The following LRP2 variants were observed in gnomAD, a reference collection of about 807,000 sequenced individuals.
LRP2 encodes the protein LDL receptor related protein 2.
Under a neutral mutation model 531.0 loss-of-function variants are expected in LRP2, and 172 were observed. The ratio of observed to expected loss-of-function variants is 0.32; its 90% confidence interval spans 0.29 to 0.37. LRP2 has a LOEUF of 0.37. LRP2 is among the 10% of genes least tolerant of loss of function. The pLI is 1.00. For missense variants in LRP2, 5,167 were observed against 5,868.3 expected, an observed-to-expected ratio of 0.88 and a Z score of 3.90; for synonymous variants, 1,992 against 2,027.6, an observed-to-expected ratio of 0.98 and a Z score of 0.47.
intron 31 of LRP2, among the ~76,000 whole-genome samples, chr2:169,229,776 A>G (rs568679381): frequency 2.6e-5 from 4 of 152,194 alleles, no homozygotes; most frequent in South Asian, 4.1e-4. Context: ...ATGTTTTTAC[A>G]AGGCCAATAT....
At chr2:169,328,812 T>C (rs539692091) in intron 1 of LRP2, among the ~76,000 whole-genome samples, 37 of 152,328 alleles carry the variant, frequency 2.4e-4, no homozygotes, top group Non-Finnish European at 4.6e-4. Context: ...CCAGAGCCTG[T>C]ACTTATTTCA....
chr2:169,353,602 C>A (rs1685912108), intron 1 of LRP2, among the ~76,000 whole-genome samples: 1 of 152,140 alleles, frequency 6.6e-6, no homozygotes, highest in African/African-American at 2.4e-5. Flanking sequence ...CATGTATCAC[C>A]CCCCTTCTAG....
chr2:169,165,372 G>A (rs913505255), intron 62 of LRP2, among the ~76,000 whole-genome samples: 2 of 152,128 alleles, frequency 1.3e-5, no homozygotes, highest in Non-Finnish European at 2.9e-5. Flanking sequence ...TCAATGCCTC[G>A]ATTGTTAAAT....
chr2:169,315,196 T>C (rs980390895), intron 3 of LRP2, among the ~76,000 whole-genome samples: 28 of 152,234 alleles, frequency 1.8e-4, no homozygotes, highest in African/African-American at 6.8e-4. Context: ...TGAGGGCCTA[T>C]AATGTACCAC....
chr2:169,278,785 C>G (rs1683623093), intron 12 of LRP2, among the ~76,000 whole-genome samples: 1 of 152,152 alleles, frequency 6.6e-6, no homozygotes, highest in African/African-American at 2.4e-5. Flanking sequence ...AGCTAAGTCT[C>G]CTATAACACT....
chr2:169,203,022 T>C (rs1466765991), intron 42 of LRP2, 63 bp from the exon 43 acceptor site: 1 of 1,354,388 alleles, frequency 7.4e-7, no homozygotes, highest in Non-Finnish European at 1.1e-6. Context: ...CATTGACCCC[T>C]CCACAATAGC....
At chr2:169,277,193 C>CAAAAAAA (rs5836227) in intron 13 of LRP2, among the ~76,000 whole-genome samples, 2 of 88,156 alleles carry the variant, frequency 2.3e-5, no homozygotes, top group Non-Finnish European at 4.5e-5. Flanking sequence ...GACTCCATCT[C>CAAAAAAA]AAAAAAAAAA....
At chr2:169,317,542 A>T (rs1027695543) in intron 3 of LRP2, among the ~76,000 whole-genome samples, 1 of 152,200 alleles carries the variant, frequency 6.6e-6, no homozygotes, top group Non-Finnish European at 1.5e-5. Flanking sequence ...CTGGGAATTA[A>T]TCAACCCTGG....
Position 169,173,938 on chromosome 2 carries a change from A to T in LRP2, c.10995T>A (p.Asp3665Glu). The change falls in exon 56 of 79, where the codon GAT (aspartate) becomes GAA (glutamate). Residue 3665 changes from aspartate to glutamate, a missense_variant. Transcript: ENST00000649046. ...DVDNDCGDHS[D>E]EPIEECMSSA... Reference sequence around the variant, plus strand: ...ACTTACTGCATTCTTCAATGGGCTCATCCGAGTGGTCTCCACAATCATTAT... The same window carrying T: ...ACTTACTGCATTCTTCAATGGGCTCTTCCGAGTGGTCTCCACAATCATTAT... 6.2e-7 allele frequency: 1 copy of T among 1,614,180 alleles called. No homozygotes were observed.
intron 2 of LRP2, among the ~76,000 whole-genome samples, 164 bp from the exon 3 acceptor site, chr2:169,319,048 T>C (rs953074264): frequency 6.6e-6 from 1 of 152,088 alleles, no homozygotes; most frequent in Admixed American, 6.6e-5. Flanking sequence ...CCAGTCAGAG[T>C]TCACTGTCAA....
chr2:169,256,371 T>C (rs1690304330), intron 18 of LRP2, 135 bp from the exon 19 acceptor site: 4 of 571,818 alleles, frequency 7.0e-6, no homozygotes, highest in Non-Finnish European at 1.2e-5. Flanking sequence ...ATTATATTCA[T>C]TAAAAATTTA....
chr2:169,178,159 C>G (rs1358751595), intron 52 of LRP2, 133 bp from the exon 53 acceptor site: 5 of 709,602 alleles, frequency 7.0e-6, no homozygotes, highest in Non-Finnish European at 1.2e-5. Context: ...CCTCAAAACT[C>G]CTAGTCTTTA....
chr2:169,247,609 G>C lies in LRP2; in HGVS notation c.2771-94C>G, dbSNP rs956859784. On this transcript the variant is annotated intron_variant, in intron 19 of 78. Transcript: ENST00000649046. ...ATGCAATAGGCTTGAAATGCTTCTT[G>C]CAAGTACGATCATCTCCCCCATAAA... 4.4e-5 allele frequency: 58 copies of C among 1,331,934 alleles called. No individual in the cohort carries two copies. The Middle Eastern group carries it at 9.0e-4, about 21-fold the overall frequency. 82.5% of individuals were successfully genotyped at this position (1,331,934 alleles called of 1,614,324 possible).
At chr2:169,234,678 T>C (rs1689537431) in intron 29 of LRP2, among the ~76,000 whole-genome samples, 1 of 152,220 alleles carries the variant, frequency 6.6e-6, no homozygotes, top group Non-Finnish European at 1.5e-5. Context: ...TTTCTGGTTC[T>C]AGATCCCTGA....
rs558578212 is a variant in LRP2, at chr2:169,278,971, C to G, written c.1565+401G>C. Among the ~76,000 whole-genome samples, 5 of 152,298 alleles carry G rather than the reference C, an allele frequency of 3.3e-5. No homozygotes were observed. In the South Asian group the frequency reaches 1.0e-3, roughly 32 times the overall value. On this transcript the variant is annotated intron_variant, in intron 12 of 78. Coordinates refer to ENST00000649046, the MANE Select transcript of LRP2 (RefSeq NM_004525.3). ...AGTTCCAACCTCCATCTTTAAAAAT[C>G]TTTACAGCTAATTCATGTTAGAGTA...
intron 50 of LRP2, 79 bp downstream of exon 50, chr2:169,185,424 T>A: frequency 1.4e-6 from 2 of 1,461,802 alleles, no homozygotes. Context: ...AGTTGAAAAA[T>A]TAATTTCCTA....
chr2:169,358,931 A>G (rs1686071350), intron 1 of LRP2, among the ~76,000 whole-genome samples: 1 of 151,278 alleles, frequency 6.6e-6, no homozygotes, highest in South Asian at 2.1e-4. Context: ...AAATCTTCCA[A>G]TCACATGCTA....
rs13008676 is a variant in LRP2 at position 169,232,901 on chromosome 2, T to C, written c.5098+510A>G. On this transcript the variant is annotated intron_variant, in intron 30 of 78. Transcript: ENST00000649046. ...TTGAGGAGAGAGGATTAAGTGAAGA[T>C]TAAGTGACTTATCTCCCTCTCCCAC... Among the ~76,000 whole-genome samples, 356 of 152,234 alleles carry C rather than the reference T, an allele frequency of 2.3e-3. 1 individual carries two copies. The highest frequency in any genetic ancestry group is 4.2e-3 in the Non-Finnish European group (286 of 68,012).
intron 64 of LRP2, 52 bp from the exon 65 acceptor site, chr2:169,156,457 A>G: frequency 6.2e-7 from 1 of 1,609,892 alleles, no homozygotes; most frequent in Non-Finnish European, 8.5e-7. Flanking sequence ...TCCATTCCTT[A>G]GAGATCTTGC....
Sources: gnomAD v4.1 joint callset for allele counts (sites outside exome capture counted in the v4.1 genomes callset) on GRCh38, gnomAD v4.1.1 for gene constraint, MANE v1.5 for transcripts, NCBI Gene and HGNC (gene_info 2026-07-23, HGNC 2026-07-21) for gene names.